Variants in TSHZ2 observed in about 807,000 individuals in gnomAD.
The protein encoded by TSHZ2 is teashirt zinc finger homeobox 2.
Under a neutral mutation model 74.4 loss-of-function variants are expected in TSHZ2, and 21 were observed. That is an observed-to-expected ratio of 0.28 (90% CI 0.20 to 0.41). TSHZ2 has a LOEUF of 0.41. TSHZ2 is among the 10% of genes least tolerant of loss of function. The probability of loss-of-function intolerance (pLI) is 1.00; values close to 1 mark genes in which losing one functional copy is unlikely to be tolerated. For synonymous variants in TSHZ2, 540 were observed against 515.3 expected (o/e 1.05, Z -0.65); for missense variants, 1,244 against 1,293.5 (o/e 0.96, Z 0.59).
intron 1 of TSHZ2, among the ~76,000 whole-genome samples, chr20:53,001,574 T>G (rs1304695839): frequency 6.6e-6 from 1 of 152,194 alleles, no homozygotes; most frequent in East Asian, 1.9e-4. Flanking sequence ...GCTAGCTTTT[T>G]CAAGAATAAG....
intron 2 of TSHZ2, among the ~76,000 whole-genome samples, chr20:53,436,564 T>TTGGG (rs1984088176): frequency 6.9e-6 from 1 of 145,564 alleles, no homozygotes; most frequent in Non-Finnish European, 1.5e-5. Flanking sequence ...TTTTTTTTTT[T>TTGGG]AGATGGAGCC....
intron 2 of TSHZ2, among the ~76,000 whole-genome samples, chr20:53,393,885 T>C (rs901218191): frequency 6.6e-6 from 1 of 152,240 alleles, no homozygotes; most frequent in Non-Finnish European, 1.5e-5. Context: ...GTTTTTAAAG[T>C]ACAGTAAAAC....
chr20:52,981,854 G>A (rs576689637), intron 1 of TSHZ2, among the ~76,000 whole-genome samples: 32 of 152,288 alleles, frequency 2.1e-4, no homozygotes, highest in South Asian at 1.0e-3. Flanking sequence ...ACATTTATTC[G>A]TTTACACGGC....
At chr20:53,339,745 C>G (rs6013663) in intron 2 of TSHZ2, among the ~76,000 whole-genome samples, 1 of 152,208 alleles carries the variant, frequency 6.6e-6, no homozygotes, top group African/African-American at 2.4e-5. Flanking sequence ...CAATCCTCCC[C>G]TCCTGCACTG....
In TSHZ2 at chr20:53,487,475, T is replaced by A. The variant is rs1168686781; in HGVS notation, c.*340T>A. The A allele has an allele frequency of 6.6e-6, 1 of 152,026 alleles. No homozygotes were observed. Among genetic ancestry groups the A allele is most frequent in the East Asian group, 1.9e-4 (1 of 5,198 alleles). 9.4% of individuals were successfully genotyped at this position (152,026 alleles called of 1,614,324 possible). A position where few individuals can be genotyped will look rare whatever the true frequency, so the allele number is the denominator to read the frequency against. ...AGTGCCACCGAAGAAAAGTAATGAC[T>A]GAGAGCATTGATGTACTTATTTTGT... On this transcript the variant is annotated 3_prime_UTR_variant, in exon 3 of 3. Coordinates refer to ENST00000371497, the MANE Select transcript of TSHZ2 (RefSeq NM_173485.6).
At chr20:52,986,396 T>C (rs1386681036) in intron 1 of TSHZ2, among the ~76,000 whole-genome samples, 3 of 97,598 alleles carry the variant, frequency 3.1e-5, no homozygotes, top group Admixed American at 1.2e-4. Flanking sequence ...GGAGCAAGAA[T>C]CCATCAAAAA....
intron 1 of TSHZ2, among the ~76,000 whole-genome samples, chr20:53,174,251 C>G (rs906043866): frequency 1.3e-5 from 2 of 152,046 alleles, no homozygotes; most frequent in African/African-American, 4.8e-5. Flanking sequence ...GAAAGTTGGC[C>G]CCTTGGGTAA....
chr20:53,052,802 G>C (rs572304479), intron 1 of TSHZ2, among the ~76,000 whole-genome samples: 1 of 152,088 alleles, frequency 6.6e-6, no homozygotes, highest in Non-Finnish European at 1.5e-5. Context: ...TAGAGACCTT[G>C]CTTTGATTGA....
chr20:53,140,307 G>A (rs1366106702), intron 1 of TSHZ2, among the ~76,000 whole-genome samples: 1 of 152,004 alleles, frequency 6.6e-6, no homozygotes, highest in Non-Finnish European at 1.5e-5. Context: ...TTGGGAGGCT[G>A]AGGCGGGCAG....
At chr20:53,071,269 G>C (rs17389284) in intron 1 of TSHZ2, among the ~76,000 whole-genome samples, 28,055 of 152,170 alleles carry the variant, frequency 0.18, 3,272 homozygotes, top group Non-Finnish European at 0.25. Flanking sequence ...AGAGACGGGA[G>C]CATTGTCCTG....
chr20:53,266,469 T>C (rs1255404869), intron 2 of TSHZ2, among the ~76,000 whole-genome samples: 1 of 152,220 alleles, frequency 6.6e-6, no homozygotes, highest in Non-Finnish European at 1.5e-5. Flanking sequence ...GATCACTTTC[T>C]AGTTCAAGGC....
intron 2 of TSHZ2, among the ~76,000 whole-genome samples, chr20:53,264,417 G>T (rs35702938): frequency 6.6e-6 from 1 of 152,316 alleles, no homozygotes; most frequent in East Asian, 1.9e-4. Flanking sequence ...CTCAACTTCA[G>T]TGTATATGGA....
intron 2 of TSHZ2, among the ~76,000 whole-genome samples, chr20:53,436,532 TA>T (rs1984074757): frequency 2.6e-5 from 3 of 117,594 alleles, no homozygotes; most frequent in African/African-American, 1.0e-4. Context: ...TATTTATTAT[TA>T]TTATTATTAT....
At chr20:52,992,773 T>A (rs1982041025) in intron 1 of TSHZ2, among the ~76,000 whole-genome samples, 2 of 152,344 alleles carry the variant, frequency 1.3e-5, no homozygotes, top group African/African-American at 4.8e-5. Flanking sequence ...ATAAGTTTTA[T>A]CATCTTGTGA....
At position 53,462,030 on chromosome 20, in the gene TSHZ2, G is replaced by A. The variant is rs553940751; in HGVS notation, c.*9-25114G>A. Among the ~76,000 whole-genome samples, 100 of 151,426 alleles carry A rather than the reference G, an allele frequency of 6.6e-4. 1 individual carries two copies. Among genetic ancestry groups the A allele is most frequent in the African/African-American group, 2.0e-3 (84 of 41,242 alleles). ...GCGGATCACTTGAGGTCAGGAGTTC[G>A]AGACCAGCCTGGCCAACATAAAGAA... On this transcript the variant is annotated intron_variant, in intron 2 of 2. Coordinates refer to ENST00000371497, the MANE Select transcript of TSHZ2 (RefSeq NM_173485.6).
chr20:53,305,836 G>C (rs1443006940), intron 2 of TSHZ2, among the ~76,000 whole-genome samples: 1 of 152,096 alleles, frequency 6.6e-6, no homozygotes, highest in Non-Finnish European at 1.5e-5. Context: ...AAATTAGCCA[G>C]GCATGGCGGT....
chr20:52,976,247 G>A (rs1347939257), intron 1 of TSHZ2, among the ~76,000 whole-genome samples: 1 of 152,216 alleles, frequency 6.6e-6, no homozygotes, highest in Non-Finnish European at 1.5e-5. Flanking sequence ...GGGAAGGGAT[G>A]TGAGGGGACA....
chr20:53,326,955 G>T (rs1189637890), intron 2 of TSHZ2, among the ~76,000 whole-genome samples: 1 of 152,176 alleles, frequency 6.6e-6, no homozygotes, highest in Non-Finnish European at 1.5e-5. Flanking sequence ...TCCCTGGAAA[G>T]ATCCAAGGAG....
In TSHZ2 at chr20:53,058,221, C is replaced by G. The variant is rs561600986; in HGVS notation, c.40+84888C>G. On this transcript the variant is annotated intron_variant, in intron 1 of 2. Coordinates refer to ENST00000371497, the MANE Select transcript of TSHZ2 (RefSeq NM_173485.6). ...CACCACCTGCTGTGTGGCCTGGTTCCTAACAGGCCACAGTCTCGTACTGGT... is the reference window on the plus strand; with the variant it reads ...CACCACCTGCTGTGTGGCCTGGTTCGTAACAGGCCACAGTCTCGTACTGGT... Among the ~76,000 whole-genome samples the G allele has an allele frequency of 7.4e-4, 112 of 152,302 alleles. 1 individual carries two copies. In the South Asian group the frequency reaches 0.014, roughly 19 times the overall value.
Sources: allele counts gnomAD v4.1 joint callset (sites outside exome capture counted in the v4.1 genomes callset), GRCh38; gene constraint gnomAD v4.1.1; transcripts MANE v1.5; gene names NCBI Gene and HGNC (gene_info 2026-07-23, HGNC 2026-07-21).